PLA2G12A: variants seen among roughly 807,000 people sequenced by gnomAD.
The protein encoded by PLA2G12A is group XIIA secretory phospholipase A2.
In PLA2G12A, 11 loss-of-function variants were observed where a neutral mutation model predicts 16.0. That is an observed-to-expected ratio of 0.69 (90% CI 0.43 to 1.13). PLA2G12A has a LOEUF of 1.13. Among genes scored for constraint, PLA2G12A ranks in the 50% most tolerant of loss-of-function variants. The probability of loss-of-function intolerance (pLI) is 0.00; values close to 1 mark genes in which losing one functional copy is unlikely to be tolerated. For missense variants in PLA2G12A, 214 were observed against 237.3 expected, an observed-to-expected ratio of 0.90 and a Z score of 0.65; for synonymous variants, 77 against 93.8, an observed-to-expected ratio of 0.82 and a Z score of 1.03.
chr4:109,723,701 C>T (rs139219198), intron 1 of PLA2G12A, among the ~76,000 whole-genome samples: 1,862 of 152,196 alleles, frequency 0.012, 18 homozygotes, highest in Admixed American at 0.02. Flanking sequence ...ATCAACTGTT[C>T]AAAATGTTTA....
Position 109,714,507 on chromosome 4 carries a change from G to GA in PLA2G12A, c.452-13dup. On this transcript the variant is annotated splice_polypyrimidine_tract_variant and intron_variant, in intron 3 of 3. Transcript: ENST00000243501. ...TGTTGTTTCACATGCTGCAAAACAA[G>GA]AAAATGGGATTACTGTTGGGCAACT... is the stretch of plus-strand genomic sequence containing the variant. The GA allele has an allele frequency of 6.4e-7, 1 of 1,565,194 alleles. No homozygotes were observed. Among genetic ancestry groups the GA allele is most frequent in the Non-Finnish European group, 8.8e-7 (1 of 1,135,514 alleles).
intron 3 of PLA2G12A, among the ~76,000 whole-genome samples, chr4:109,714,712 C>T (rs1730795602): frequency 6.6e-6 from 1 of 150,790 alleles, no homozygotes; most frequent in South Asian, 2.1e-4. Flanking sequence ...TTTTTGTTTG[C>T]ATTCAACTGT....
rs1312420211 is a variant in PLA2G12A, at chr4:109,730,027, G to C, written c.-218C>G. 2.0e-6 allele frequency: 1 copy of C among 488,436 alleles called. No individual in the cohort carries two copies. The highest frequency in any genetic ancestry group is 3.0e-5 in the South Asian group (1 of 33,344). The allele number at this position is 488,436 out of a possible 1,614,324, so 30.3% of individuals were successfully genotyped here. A position where few individuals can be genotyped will look rare whatever the true frequency, so the allele number is the denominator to read the frequency against. ...TCGCGGGGACGCGCCCGCTCACCTG[G>C]ACCAGCGCGCCCGCTCACCTGGGCC... On this transcript the variant is annotated 5_prime_UTR_variant, in exon 1 of 4. Transcript: ENST00000243501.
intron 1 of PLA2G12A, 59 bp downstream of exon 1, chr4:109,729,543 C>T (rs1723005182): frequency 1.2e-5 from 19 of 1,543,166 alleles, no homozygotes; most frequent in Non-Finnish European, 1.6e-5. Flanking sequence ...CCTCCAGGAT[C>T]TCCGTCACCC....
In PLA2G12A at chr4:109,711,053, C is replaced by CTTTT. The variant is rs67674001; in HGVS notation, c.*3320_*3323dup. 2.6e-4 allele frequency: 15 copies of CTTTT among 57,226 alleles called. No individual in the cohort carries two copies. Among genetic ancestry groups the CTTTT allele is most frequent in the East Asian group, 9.8e-4 (2 of 2,032 alleles). 3.5% of individuals were successfully genotyped at this position (57,226 alleles called of 1,614,324 possible). ...AGAGCTGCTGACAGTTAGTTCTTGCCTTTTTTTTTTTTTTTTTTTTTTTGC... is the reference window on the plus strand; with the variant it reads ...AGAGCTGCTGACAGTTAGTTCTTGCCTTTTTTTTTTTTTTTTTTTTTTTTTTTGC... On this transcript the variant is annotated 3_prime_UTR_variant, in exon 4 of 4. Transcript: ENST00000243501.
Position 109,711,973 on chromosome 4 carries a change from A to G in PLA2G12A, c.*2404T>C, listed in dbSNP as rs986889360. On this transcript the variant is annotated 3_prime_UTR_variant, in exon 4 of 4. Transcript: ENST00000243501. ...ATCAGACAAACCCAAATTGAGGAAT[A>G]TTCTACAAAACACCTGACCAGTACT... 4.6e-5 allele frequency: 7 copies of G among 152,596 alleles called. No homozygotes were observed. Among genetic ancestry groups the G allele is most frequent in the African/African-American group, 1.7e-4 (7 of 41,454 alleles). The allele number at this position is 152,596 out of a possible 1,614,324, so 9.5% of individuals were successfully genotyped here.
chr4:109,722,740 T>C (rs1275092504), intron 1 of PLA2G12A, among the ~76,000 whole-genome samples: 1 of 152,210 alleles, frequency 6.6e-6, no homozygotes, highest in Non-Finnish European at 1.5e-5. Context: ...ACCATACTAT[T>C]TGTAGCACAT....
At chr4:109,721,085 A>G (rs1335412501) in intron 1 of PLA2G12A, among the ~76,000 whole-genome samples, 1 of 152,156 alleles carries the variant, frequency 6.6e-6, no homozygotes, top group Non-Finnish European at 1.5e-5. Flanking sequence ...AAACAGTAAC[A>G]ACAAAAACAA....
chr4:109,729,857 C>T lies in PLA2G12A; in HGVS notation c.-48G>A. 1 of 1,510,546 alleles carries T rather than the reference C, an allele frequency of 6.6e-7. No individual in the cohort carries two copies. Among genetic ancestry groups the T allele is most frequent in the South Asian group, 1.2e-5 (1 of 80,266 alleles). 93.6% of individuals were successfully genotyped at this position (1,510,546 alleles called of 1,614,324 possible). A position where few individuals can be genotyped will look rare whatever the true frequency, so the allele number is the denominator to read the frequency against. On this transcript the variant is annotated 5_prime_UTR_variant, in exon 1 of 4. Transcript: ENST00000243501. The stretch of plus-strand genomic sequence containing the variant: ...GGTCCCCGAGCCGCGGCGCGGGGCG[C>T]GTCCCCACAGAGTCCCCAGGACGCG...
At position 109,727,106 on chromosome 4, in the gene PLA2G12A, T is replaced by TTTATTA. The variant is rs562237417; in HGVS notation, c.208+2490_208+2495dup. Among the ~76,000 whole-genome samples, 186 of 150,790 alleles carry TTTATTA rather than the reference T, an allele frequency of 1.2e-3. 1 individual carries two copies. In the Middle Eastern group the frequency reaches 0.017, roughly 14 times the overall value. ...GAGAGACTGCTCGAGTAACAGCAAT[T>TTTATTA]TTATTATTATTATTATTATTATTAT... On this transcript the variant is annotated intron_variant, in intron 1 of 3. Transcript: ENST00000243501.
chr4:109,718,887 C>T (rs1730873677), intron 1 of PLA2G12A, 128 bp from the exon 2 acceptor site: 5 of 631,452 alleles, frequency 7.9e-6, no homozygotes, highest in Non-Finnish European at 1.4e-5. Flanking sequence ...AACATAAGTG[C>T]ATATGTCTTT....
rs970006186 is a variant in PLA2G12A, at chr4:109,719,874, G to A, written c.209-1115C>T. On this transcript the variant is annotated intron_variant, in intron 1 of 3. Transcript: ENST00000243501. ...CGATAGACTTGCTCAATGCAGGGTC[G>A]CCGCTAACCTTCGATTTGTTAAAAA... is the stretch of plus-strand genomic sequence containing the variant. Among the ~76,000 whole-genome samples the A allele has an allele frequency of 3.3e-5, 5 of 152,116 alleles. No individual in the cohort carries two copies. In the East Asian group the frequency reaches 5.8e-4, roughly 18 times the overall value.
Position 109,729,660 on chromosome 4 carries a change from G to T in PLA2G12A, c.150C>A (p.Asn50Lys). The T allele has an allele frequency of 1.9e-6, 3 of 1,611,946 alleles. No homozygotes were observed. Among genetic ancestry groups the T allele is most frequent in the Non-Finnish European group, 2.5e-6 (3 of 1,179,830 alleles). Residue 50 changes from asparagine (N) to lysine (K), a missense_variant, in exon 1 of 4, where the codon AAC becomes AAA. By Grantham distance (94) the Asn-to-Lys change is moderately conservative. Transcript: ENST00000243501. ...CGCCTCCCAGGAGGTCCAAGGCGGC[G>T]TTCAGGTACGTGTCTATCTTATGAA... is the stretch of plus-strand genomic sequence containing the variant. ...NGVHKIDTYL[N>K]AALDLLGGED...
At chr4:109,718,814 C>T (rs1730872395) in intron 1 of PLA2G12A, 55 bp from the exon 2 acceptor site, 1 of 1,246,126 alleles carries the variant, frequency 8.0e-7, no homozygotes, top group African/African-American at 1.5e-5. Context: ...AAGTAAAATA[C>T]ATACTCAAAA....
At position 109,729,907 on chromosome 4, in the gene PLA2G12A, C is replaced by G. The variant is rs1485314401; in HGVS notation, c.-98G>C. 4.0e-5 allele frequency: 43 copies of G among 1,084,138 alleles called. No individual in the cohort carries two copies. The highest frequency in any genetic ancestry group is 5.2e-5 in the Non-Finnish European group (41 of 786,862). The allele number at this position is 1,084,138 out of a possible 1,614,324, so 67.2% of individuals were successfully genotyped here. Reference sequence around the variant, plus strand: ...GCTAGGCAGCGGCGCGGGCCCCGGACTTGGCAGCAGCCAGCTCCATATCCA... The same window carrying G: ...GCTAGGCAGCGGCGCGGGCCCCGGAGTTGGCAGCAGCCAGCTCCATATCCA... On this transcript the variant is annotated 5_prime_UTR_variant, in exon 1 of 4. Transcript: ENST00000243501.
Position 109,711,893 on chromosome 4 carries a change from C to T in PLA2G12A, c.*2484G>A, listed in dbSNP as rs1217325368. The stretch of plus-strand genomic sequence containing the variant: ...GACATGATGCAGTGAGAAGGACCTT[C>T]ACCTCTGGTATTCTTCCTAAAAATC... On this transcript the variant is annotated 3_prime_UTR_variant, in exon 4 of 4. Coordinates refer to ENST00000243501, the MANE Select transcript of PLA2G12A (RefSeq NM_030821.5). The T allele has an allele frequency of 6.6e-6, 1 of 152,362 alleles. No homozygotes were observed. The highest frequency in any genetic ancestry group is 1.5e-5 in the Non-Finnish European group (1 of 68,036). The allele number at this position is 152,362 out of a possible 1,614,324, so 9.4% of individuals were successfully genotyped here. A position where few individuals can be genotyped will look rare whatever the true frequency, so the allele number is the denominator to read the frequency against.
intron 1 of PLA2G12A, among the ~76,000 whole-genome samples, chr4:109,726,576 T>TTCCGG (rs1722943188): frequency 1.3e-5 from 2 of 152,138 alleles, no homozygotes; most frequent in Non-Finnish European, 1.5e-5. Flanking sequence ...CTTGACCCCT[T>TTCCGG]CTGTTCTCAG....
chr4:109,715,539 G>A (rs371363298), intron 3 of PLA2G12A, among the ~76,000 whole-genome samples: 4 of 152,176 alleles, frequency 2.6e-5, no homozygotes, highest in African/African-American at 9.6e-5. Context: ...AGGCTGGAGT[G>A]CAGTGGCATG....
Position 109,727,970 on chromosome 4 carries a change from G to T in PLA2G12A, c.208+1632C>A, listed in dbSNP as rs573070959. On this transcript the variant is annotated intron_variant, in intron 1 of 3. Transcript: ENST00000243501. Reference sequence around the variant, plus strand: ...TTCCCTATCTCTGTAAATGGCAACCGTTTCCTTCCTTTGGCTCAGGCCAAA... The same window carrying T: ...TTCCCTATCTCTGTAAATGGCAACCTTTTCCTTCCTTTGGCTCAGGCCAAA... Among the ~76,000 whole-genome samples, 6 of 152,262 alleles carry T rather than the reference G, an allele frequency of 3.9e-5. No individual in the cohort carries two copies. In the South Asian group the frequency reaches 1.2e-3, roughly 32 times the overall value.
Sources: allele counts gnomAD v4.1 joint callset (sites outside exome capture counted in the v4.1 genomes callset), GRCh38; gene constraint gnomAD v4.1.1; transcripts MANE v1.5; gene names NCBI Gene and HGNC (gene_info 2026-07-23, HGNC 2026-07-21).